Variants in CTNNA3 observed in about 807,000 individuals in gnomAD.
The protein encoded by CTNNA3 is catenin alpha 3.
Under a neutral mutation model 95.7 loss-of-function variants are expected in CTNNA3, and 76 were observed. That is an observed-to-expected ratio of 0.79 (90% CI 0.66 to 0.96). The LOEUF (loss-of-function observed/expected upper bound fraction) is 0.96. Among genes scored for constraint, CTNNA3 ranks in the 40% least tolerant of loss-of-function variants. The probability of loss-of-function intolerance (pLI) is 0.00; values close to 1 mark genes in which losing one functional copy is unlikely to be tolerated. For synonymous variants in CTNNA3, 431 were observed against 374.4 expected, an observed-to-expected ratio of 1.15 and a Z score of -1.74; for missense variants, 1,191 against 1,089.8, an observed-to-expected ratio of 1.09 and a Z score of -1.31.
At chr10:66,432,571 G>A (rs12241415) in intron 11 of CTNNA3, among the ~76,000 whole-genome samples, 2 of 151,170 alleles carry the variant, frequency 1.3e-5, no homozygotes, top group Non-Finnish European at 2.9e-5. Context: ...TGAGGAAGGA[G>A]AATGGCATGA....
At chr10:66,206,652 A>G (rs1006391010) in intron 13 of CTNNA3, among the ~76,000 whole-genome samples, 3 of 151,924 alleles carry the variant, frequency 2.0e-5, no homozygotes, top group Admixed American at 6.6e-5. Flanking sequence ...TAACCCATAT[A>G]TTAATTAATT....
At chr10:67,030,162 G>GCT (rs1445393601) in intron 7 of CTNNA3, among the ~76,000 whole-genome samples, 1 of 152,190 alleles carries the variant, frequency 6.6e-6, no homozygotes, top group Non-Finnish European at 1.5e-5. Flanking sequence ...TAAAGCACCA[G>GCT]TTGGATGGTT....
chr10:66,587,539 G>A (rs1346947087), intron 10 of CTNNA3, among the ~76,000 whole-genome samples: 1 of 152,072 alleles, frequency 6.6e-6, no homozygotes, highest in Non-Finnish European at 1.5e-5. Context: ...TCCTTGCTCT[G>A]GCTCCTCACA....
intron 9 of CTNNA3, among the ~76,000 whole-genome samples, chr10:66,745,811 G>A (rs1838845466): frequency 6.7e-6 from 1 of 150,142 alleles, no homozygotes. Context: ...GTGTTAGCCA[G>A]GATGGTCTCG....
intron 12 of CTNNA3, among the ~76,000 whole-genome samples, chr10:66,361,267 C>G (rs1281288470): frequency 6.6e-6 from 1 of 151,486 alleles, no homozygotes; most frequent in Non-Finnish European, 1.5e-5. Context: ...CTGTGCCCAG[C>G]CATCAAATTC....
chr10:66,602,008 C>A (rs764037119), intron 10 of CTNNA3, among the ~76,000 whole-genome samples: 5 of 151,824 alleles, frequency 3.3e-5, no homozygotes, highest in African/African-American at 4.8e-5. Flanking sequence ...TCAGTTATGA[C>A]ACATAAAATG....
chr10:67,731,839 G>T (rs986310879), intron 1 of CTNNA3, among the ~76,000 whole-genome samples: 1 of 151,226 alleles, frequency 6.6e-6, no homozygotes, highest in South Asian at 2.1e-4. Context: ...TTAAACAATG[G>T]TTCACATCAT....
chr10:67,388,062 A>G (rs1844271581), intron 5 of CTNNA3, among the ~76,000 whole-genome samples: 1 of 151,410 alleles, frequency 6.6e-6, no homozygotes, highest in Non-Finnish European at 1.5e-5. Context: ...TGGATGGAGA[A>G]TGACTTTGAC....
In CTNNA3 at chr10:67,296,934, CAAAAAAAAAAAAAAAA is replaced by C. The variant is rs1210482029; in HGVS notation, c.580-77080_580-77065del. On this transcript the variant is annotated intron_variant, in intron 5 of 17. Transcript: ENST00000433211. ...GGGCAACAAGAATGAAACGCTGTCT[CAAAAAAAAAAAAAAAA>C]AAAAAAAAAAAAGAGTTCAGTGCTG... Among the ~76,000 whole-genome samples the C allele has an allele frequency of 9.6e-4, 17 of 17,656 alleles. No homozygotes were observed. In the South Asian group the frequency reaches 0.037, roughly 39 times the overall value. The allele number at this position is 17,656 out of a possible 152,430, so 11.6% of individuals were successfully genotyped here. A position where few individuals can be genotyped will look rare whatever the true frequency, so the allele number is the denominator to read the frequency against.
At chr10:66,990,297 G>A (rs4746652) in intron 7 of CTNNA3, among the ~76,000 whole-genome samples, 22,386 of 152,082 alleles carry the variant, frequency 0.15, 1,899 homozygotes, top group Middle Eastern at 0.23. Context: ...GCCAGGTGAA[G>A]GGACTCTGAA....
At chr10:67,585,980 A>G (rs766729523) in intron 3 of CTNNA3, among the ~76,000 whole-genome samples, 1 of 152,106 alleles carries the variant, frequency 6.6e-6, no homozygotes, top group African/African-American at 2.4e-5. Flanking sequence ...CTTCCCTCTC[A>G]GCACTGCTTT....
At chr10:67,440,886 C>T (rs768129551) in intron 5 of CTNNA3, among the ~76,000 whole-genome samples, 8 of 151,938 alleles carry the variant, frequency 5.3e-5, no homozygotes, top group Admixed American at 6.6e-5. Flanking sequence ...CTTCAATGCC[C>T]AGACACTGAC....
chr10:67,308,644 A>C (rs1468187134), intron 5 of CTNNA3, among the ~76,000 whole-genome samples: 1 of 152,214 alleles, frequency 6.6e-6, no homozygotes, highest in Non-Finnish European at 1.5e-5. Flanking sequence ...AGACTTCATT[A>C]ATTAAACATT....
chr10:67,206,445 C>T (rs1405814098), intron 6 of CTNNA3, among the ~76,000 whole-genome samples: 1 of 152,014 alleles, frequency 6.6e-6, no homozygotes, highest in East Asian at 1.9e-4. Flanking sequence ...CCAAAACTCA[C>T]TGGAGATTAC....
At chr10:67,581,196 T>G (rs2086154555) in intron 3 of CTNNA3, among the ~76,000 whole-genome samples, 1 of 152,210 alleles carries the variant, frequency 6.6e-6, no homozygotes, top group Non-Finnish European at 1.5e-5. Flanking sequence ...GCTGTAGGTT[T>G]CTCATAAATA....
At chr10:67,112,066 C>T (rs941372853) in intron 7 of CTNNA3, among the ~76,000 whole-genome samples, 1 of 152,070 alleles carries the variant, frequency 6.6e-6, no homozygotes. Flanking sequence ...ATCATTCACA[C>T]GTTGAATAGA....
chr10:66,023,582 A>G (rs1455693055), intron 15 of CTNNA3, among the ~76,000 whole-genome samples: 1 of 152,218 alleles, frequency 6.6e-6, no homozygotes, highest in Non-Finnish European at 1.5e-5. Context: ...AAGTATGCCT[A>G]TGAATGTTAC....
intron 5 of CTNNA3, among the ~76,000 whole-genome samples, chr10:67,361,011 TA>T (rs549641162): frequency 0.021 from 2,843 of 137,280 alleles, 64 homozygotes; most frequent in African/African-American, 0.06. Flanking sequence ...CCATCTACAG[TA>T]AAAAAAAAAA....
chr10:67,154,573 T>C (rs1315790740), intron 7 of CTNNA3, among the ~76,000 whole-genome samples: 1 of 152,230 alleles, frequency 6.6e-6, no homozygotes, highest in Non-Finnish European at 1.5e-5. Context: ...ATAAAACGCA[T>C]GAATTTTTTA....
Sources: gnomAD v4.1 joint callset for allele counts (sites outside exome capture counted in the v4.1 genomes callset) on GRCh38, gnomAD v4.1.1 for gene constraint, MANE v1.5 for transcripts, NCBI Gene and HGNC (gene_info 2026-07-23, HGNC 2026-07-21) for gene names.